ZSCAN4: variants seen among roughly 807,000 people sequenced by gnomAD.
The protein encoded by ZSCAN4 is zinc finger and SCAN domain-containing protein 4.
Under a neutral mutation model 18.3 loss-of-function variants are expected in ZSCAN4, and 18 were observed. The ratio of observed to expected loss-of-function variants is 0.98; its 90% CI spans 0.68 to 1.46. The LOEUF (loss-of-function observed/expected upper bound fraction) is 1.46, where lower values mean the gene tolerates loss of function less well. Among genes scored for constraint, ZSCAN4 ranks in the 40% most tolerant of loss-of-function variants. ZSCAN4 has a pLI of 0.00. For missense variants in ZSCAN4, 498 were observed against 511.4 expected, an observed-to-expected ratio of 0.97 and a Z score of 0.25; for synonymous variants, 193 against 180.3, an observed-to-expected ratio of 1.07 and a Z score of -0.57.
At chr19:57,677,844 A>G in intron 3 of ZSCAN4, 70 bp from the exon 4 acceptor site, 1 of 1,446,914 alleles carries the variant, frequency 6.9e-7, no homozygotes, top group Non-Finnish European at 9.2e-7. Context: ...CCTGTTAAGG[A>G]CCACTTTTCC....
At chr19:57,663,519 CTAAAAAA>C in the ZSCAN4 span, among the ~76,000 whole-genome samples, 2 of 18,314 alleles carry the variant, frequency 1.1e-4, no homozygotes, top group Admixed American at 6.4e-4. Context: ...AACCATGTCT[CTAAAAAA>C]AAAAAAAAAA....
chr19:57,675,261 T>C (rs1353821742), intron 2 of ZSCAN4, among the ~76,000 whole-genome samples: 1 of 147,164 alleles, frequency 6.8e-6, no homozygotes, highest in Non-Finnish European at 1.5e-5. Context: ...AATTCTCCCA[T>C]CTCAGCCTCC....
chr19:57,653,473 A>C, the ZSCAN4 span, among the ~76,000 whole-genome samples: 2 of 152,094 alleles, frequency 1.3e-5, no homozygotes, highest in African/African-American at 4.8e-5. Context: ...CACCACCTAA[A>C]GCCCTCAGGC....
intron 2 of ZSCAN4, 65 bp downstream of exon 2, chr19:57,670,632 G>A (rs1983990459): frequency 6.6e-6 from 1 of 152,124 alleles, no homozygotes; most frequent in Admixed American, 6.6e-5. Context: ...GTGTCTTTGA[G>A]TGTGTATACA....
chr19:57,661,627 T>C, the ZSCAN4 span, among the ~76,000 whole-genome samples: 1 of 152,232 alleles, frequency 6.6e-6, no homozygotes. Flanking sequence ...ACTTTTTATT[T>C]TTATAAAGCC....
At chr19:57,668,151 G>A (rs532074264), upstream of ZSCAN4, among the ~76,000 whole-genome samples, 5 of 152,034 alleles carry the variant, frequency 3.3e-5, no homozygotes, top group South Asian at 4.2e-4. Context: ...TGATCCACCC[G>A]CCTCGGCCTC....
chr19:57,658,111 C>T, the ZSCAN4 span, among the ~76,000 whole-genome samples: 2 of 152,156 alleles, frequency 1.3e-5, no homozygotes, highest in African/African-American at 4.8e-5. Context: ...AATGTCTATG[C>T]ACATCTGAAT....
chr19:57,672,236 G>C (rs1482110218), intron 2 of ZSCAN4, among the ~76,000 whole-genome samples: 2 of 152,092 alleles, frequency 1.3e-5, no homozygotes, highest in Non-Finnish European at 2.9e-5. Context: ...AAGCAGTAAA[G>C]TTCTAAGGAA....
upstream of ZSCAN4, among the ~76,000 whole-genome samples, chr19:57,665,610 A>C (rs1237823395): frequency 6.6e-6 from 1 of 152,112 alleles, no homozygotes; most frequent in Non-Finnish European, 1.5e-5. Flanking sequence ...TTTGACCTAA[A>C]GTCACCCTTT....
chr19:57,658,935 A>G, the ZSCAN4 span, among the ~76,000 whole-genome samples: 1 of 152,128 alleles, frequency 6.6e-6, no homozygotes, highest in East Asian at 1.9e-4. Flanking sequence ...TAGAGTAAAT[A>G]CAATAACTCA....
the ZSCAN4 span, among the ~76,000 whole-genome samples, chr19:57,662,419 AT>A: frequency 6.6e-6 from 1 of 151,998 alleles, no homozygotes; most frequent in African/African-American, 2.4e-5. Context: ...TATTTAGATT[AT>A]TTTAATTTGC....
rs1555752299 is a variant in ZSCAN4 at position 57,671,510 on chromosome 19, A to AAG, written c.-106+957_-106+958dup. Among the ~76,000 whole-genome samples the AAG allele has an allele frequency of 3.4e-3, 494 of 146,604 alleles. 3 individuals carry two copies. Among genetic ancestry groups the AAG allele is most frequent in the African/African-American group, 9.8e-3 (391 of 39,718 alleles). On this transcript the variant is annotated intron_variant, in intron 2 of 4. Coordinates refer to ENST00000318203, the Ensembl canonical transcript of ZSCAN4. The stretch of plus-strand genomic sequence containing the variant: ...GGGTTCCACAGGAAAAAAAAAAAAA[A>AAG]AGAGAGAGAGAGAGACCAATGTCCC...
intron 1 of ZSCAN4, 151 bp from the exon 2 acceptor site, chr19:57,670,094 G>C (rs1983972739): frequency 1.3e-5 from 2 of 152,124 alleles, no homozygotes; most frequent in Admixed American, 6.6e-5. Flanking sequence ...GTAGAGAAAG[G>C]GTTTCACCAT....
chr19:57,669,762 C>T (rs1983963972), intron 1 of ZSCAN4, among the ~76,000 whole-genome samples: 1 of 151,578 alleles, frequency 6.6e-6, no homozygotes, highest in African/African-American at 2.4e-5. Context: ...GGTCTCCTTC[C>T]ATTTCCCAGG....
the ZSCAN4 span, among the ~76,000 whole-genome samples, chr19:57,663,520 TAAAAAAAAAA>T: frequency 4.4e-3 from 294 of 66,584 alleles, 6 homozygotes; most frequent in African/African-American, 0.017. Flanking sequence ...ACCATGTCTC[TAAAAAAAAAA>T]AAAAAAAAAA....
chr19:57,654,353 C>A, the ZSCAN4 span, among the ~76,000 whole-genome samples: 1 of 152,096 alleles, frequency 6.6e-6, no homozygotes, highest in African/African-American at 2.4e-5. Context: ...CCTCATCTTC[C>A]TTATCCAATT....
chr19:57,659,229 T>C, the ZSCAN4 span, among the ~76,000 whole-genome samples: 1 of 152,222 alleles, frequency 6.6e-6, no homozygotes, highest in South Asian at 2.1e-4. Flanking sequence ...CCCATCATTT[T>C]CTAATACACT....
chr19:57,674,400 A>G (rs1984116286), intron 2 of ZSCAN4, among the ~76,000 whole-genome samples: 1 of 152,176 alleles, frequency 6.6e-6, no homozygotes, highest in Non-Finnish European at 1.5e-5. Context: ...TTTAGCTTCT[A>G]CTTATAAGTG....
exon 5 of ZSCAN4, chr19:57,678,514 G>A (rs763089907): frequency 5.6e-6 from 9 of 1,614,032 alleles, no homozygotes; most frequent in African/African-American, 1.3e-5. Flanking sequence ...CATCAGAAAG[G>A]ATCCCATGGA....
Sources: gnomAD v4.1 joint callset for allele counts (sites outside exome capture counted in the v4.1 genomes callset) on GRCh38, gnomAD v4.1.1 for gene constraint, MANE v1.5 for transcripts, NCBI Gene and HGNC (gene_info 2026-07-23, HGNC 2026-07-21) for gene names.